GRIA1: variants seen among roughly 807,000 people sequenced by gnomAD.
GRIA1 encodes glutamate receptor 1.
A neutral mutation model predicts 99.2 loss-of-function variants in GRIA1; 31 were observed. The observed-to-expected ratio is 0.31, with a 90% CI of 0.23 to 0.42. GRIA1 has a LOEUF of 0.42. GRIA1 is among the 10% of genes least tolerant of loss of function. The probability of loss-of-function intolerance (pLI) is 1.00; values close to 1 mark genes in which losing one functional copy is unlikely to be tolerated. For missense variants in GRIA1, 782 were observed against 1,157.5 expected, an observed-to-expected ratio of 0.68 and a Z score of 4.71; for synonymous variants, 438 against 432.4, an observed-to-expected ratio of 1.01 and a Z score of -0.16.
chr5:153,647,240 C>A, intron 3 of GRIA1, 73 bp downstream of exon 3: 3 of 1,506,578 alleles, frequency 2.0e-6, no homozygotes, highest in Non-Finnish European at 2.7e-6. Flanking sequence ...GAGAATGATG[C>A]CTCACTGCTT....
chr5:153,726,343 G>C (rs1581546553), intron 11 of GRIA1, among the ~76,000 whole-genome samples: 1 of 148,256 alleles, frequency 6.7e-6, no homozygotes, highest in Non-Finnish European at 1.5e-5. Flanking sequence ...AGAAAAGCAA[G>C]AGCAAACACA....
At chr5:153,806,761 CT>C (rs1400096791) in intron 15 of GRIA1, among the ~76,000 whole-genome samples, 7 of 152,156 alleles carry the variant, frequency 4.6e-5, no homozygotes, top group Non-Finnish European at 1.0e-4. Flanking sequence ...TTTTCAGTAA[CT>C]TTTATGTTCA....
chr5:153,566,604 C>G (rs1324501047), intron 2 of GRIA1, among the ~76,000 whole-genome samples: 1 of 151,244 alleles, frequency 6.6e-6, no homozygotes, highest in Admixed American at 6.6e-5. Flanking sequence ...CCATGCCCAG[C>G]CTCTTGTCCA....
chr5:153,742,107 C>T (rs552352461), intron 11 of GRIA1, among the ~76,000 whole-genome samples: 12 of 149,774 alleles, frequency 8.0e-5, no homozygotes, highest in African/African-American at 1.7e-4. Context: ...AGGAAAGATA[C>T]GAAAAAAAAT....
chr5:153,708,966 C>A (rs1408241734), intron 11 of GRIA1, among the ~76,000 whole-genome samples: 1 of 152,092 alleles, frequency 6.6e-6, no homozygotes, highest in Non-Finnish European at 1.5e-5. Context: ...AGTTTAGGAG[C>A]CTGTAAAATC....
intron 11 of GRIA1, among the ~76,000 whole-genome samples, chr5:153,720,866 C>T (rs756481078): frequency 2.6e-5 from 4 of 152,144 alleles, no homozygotes; most frequent in Non-Finnish European, 5.9e-5. Flanking sequence ...ATAAGGAACA[C>T]CAAGTCTTTC....
At chr5:153,579,563 CAAT>C (rs1256896039) in intron 2 of GRIA1, among the ~76,000 whole-genome samples, 5 of 152,104 alleles carry the variant, frequency 3.3e-5, no homozygotes, top group Admixed American at 3.3e-4. Context: ...ATAATACTGA[CAAT>C]GATGATAATT....
At chr5:153,637,559 A>G (rs775858649) in intron 2 of GRIA1, among the ~76,000 whole-genome samples, 2 of 152,172 alleles carry the variant, frequency 1.3e-5, no homozygotes, top group African/African-American at 2.4e-5. Flanking sequence ...ATGGGGTGAA[A>G]ATGCTCTCAT....
chr5:153,758,482 C>G (rs10058464), intron 11 of GRIA1, among the ~76,000 whole-genome samples: 1 of 151,530 alleles, frequency 6.6e-6, no homozygotes. Flanking sequence ...AATTATATAA[C>G]GGTAAAGGAG....
At chr5:153,495,121 T>G (rs1412730709) in intron 2 of GRIA1, among the ~76,000 whole-genome samples, 1 of 152,224 alleles carries the variant, frequency 6.6e-6, no homozygotes, top group African/African-American at 2.4e-5. Flanking sequence ...AGACCACTCC[T>G]AAAATAATGT....
intron 2 of GRIA1, among the ~76,000 whole-genome samples, chr5:153,512,068 A>G (rs1052247969): frequency 6.6e-6 from 1 of 152,222 alleles, no homozygotes; most frequent in Non-Finnish European, 1.5e-5. Context: ...TATAACGTCA[A>G]TGTCAAAAAT....
intron 2 of GRIA1, among the ~76,000 whole-genome samples, chr5:153,538,946 T>A (rs1398244050): frequency 6.6e-6 from 1 of 152,238 alleles, no homozygotes; most frequent in Non-Finnish European, 1.5e-5. Context: ...TCCTTCCTCT[T>A]GAAAACTACT....
chr5:153,725,239 T>G, intron 11 of GRIA1, among the ~76,000 whole-genome samples: 1 of 150,810 alleles, frequency 6.6e-6, no homozygotes, highest in Admixed American at 6.6e-5. Flanking sequence ...AAAGAGCTCC[T>G]GAAGGAAGCA....
At chr5:153,683,624 G>A (rs769768978) in intron 7 of GRIA1, among the ~76,000 whole-genome samples, 1 of 152,192 alleles carries the variant, frequency 6.6e-6, no homozygotes, top group Non-Finnish European at 1.5e-5. Flanking sequence ...GGCAGTAAAA[G>A]TGTCAGTGAC....
At chr5:153,714,877 G>A (rs552444106) in intron 11 of GRIA1, among the ~76,000 whole-genome samples, 3 of 152,266 alleles carry the variant, frequency 2.0e-5, no homozygotes, top group South Asian at 4.2e-4. Flanking sequence ...GAAAATAAAT[G>A]GTGTCAAGAA....
chr5:153,641,605 C>A (rs1301669306), intron 2 of GRIA1, among the ~76,000 whole-genome samples: 1 of 152,204 alleles, frequency 6.6e-6, no homozygotes, highest in East Asian at 1.9e-4. Flanking sequence ...GAATCTGACA[C>A]TCTGGCAGGG....
At chr5:153,762,504 C>A (rs1207191649) in intron 11 of GRIA1, among the ~76,000 whole-genome samples, 3 of 152,178 alleles carry the variant, frequency 2.0e-5, no homozygotes, top group African/African-American at 7.2e-5. Flanking sequence ...GGTTCTGGGG[C>A]ACTGGGGGAG....
chr5:153,527,568 A>T (rs1757719211), intron 2 of GRIA1, among the ~76,000 whole-genome samples: 1 of 152,148 alleles, frequency 6.6e-6, no homozygotes, highest in South Asian at 2.1e-4. Context: ...TAGGCGGGGA[A>T]GATCTGCCCT....
chr5:153,699,177 T>G, intron 10 of GRIA1, 104 bp downstream of exon 10: 1 of 760,508 alleles, frequency 1.3e-6, no homozygotes, highest in Non-Finnish European at 2.3e-6. Context: ...TATGAAACCC[T>G]GTAATTGAGT....
Sources: gnomAD v4.1 joint callset for allele counts (sites outside exome capture counted in the v4.1 genomes callset) on GRCh38, gnomAD v4.1.1 for gene constraint, MANE v1.5 for transcripts, NCBI Gene and HGNC (gene_info 2026-07-23, HGNC 2026-07-21) for gene names.